Variants in KPNA1 observed in about 807,000 individuals in gnomAD.
The protein encoded by KPNA1 is importin subunit alpha-5.
A neutral mutation model predicts 70.5 loss-of-function variants in KPNA1; 10 were observed. That is an observed-to-expected ratio of 0.14 (90% CI 0.09 to 0.24). KPNA1 has a LOEUF of 0.24. Among genes scored for constraint, KPNA1 ranks in the 10% least tolerant of loss-of-function variants. The probability of loss-of-function intolerance (pLI) is 1.00; values close to 1 mark genes in which losing one functional copy is unlikely to be tolerated. For synonymous variants in KPNA1, 192 were observed against 221.9 expected (o/e 0.87, Z 1.20); for missense variants, 397 against 637.9 (o/e 0.62, Z 4.07).
intron 12 of KPNA1, among the ~76,000 whole-genome samples, chr3:122,431,993 G>A (rs1346610755): frequency 2.0e-5 from 3 of 152,022 alleles, no homozygotes; most frequent in Non-Finnish European, 2.9e-5. Context: ...TAGTAGACAC[G>A]GGGTTTCACC....
chr3:122,448,928 CAG>C (rs758453368), intron 9 of KPNA1, among the ~76,000 whole-genome samples: 16 of 152,282 alleles, frequency 1.1e-4, no homozygotes, highest in South Asian at 2.1e-4. Context: ...GCTATAATCC[CAG>C]AGTTTTCTAT....
intron 2 of KPNA1, among the ~76,000 whole-genome samples, chr3:122,488,852 A>G (rs1486899132): frequency 6.6e-6 from 1 of 152,194 alleles, no homozygotes; most frequent in Non-Finnish European, 1.5e-5. Flanking sequence ...GCCATGACGT[A>G]GTTTTCTTCA....
chr3:122,431,437 A>T lies in KPNA1; in HGVS notation c.1250+2224T>A, dbSNP rs7638172. The stretch of plus-strand genomic sequence containing the variant: ...CTCCCAAAGTGCTGGAATTACAGAC[A>T]TGAGCCACCACACCCGGCCAAGATA... On this transcript the variant is annotated intron_variant, in intron 12 of 13. Transcript: ENST00000344337. Among the ~76,000 whole-genome samples, 268 of 152,144 alleles carry T rather than the reference A, an allele frequency of 1.8e-3. 2 individuals carry two copies. The highest frequency in any genetic ancestry group is 5.9e-3 in the African/African-American group (246 of 41,494).
chr3:122,513,363 T>G lies in KPNA1; in HGVS notation c.-6+1394A>C, dbSNP rs538792624. Among the ~76,000 whole-genome samples the G allele has an allele frequency of 4.6e-5, 7 of 152,346 alleles. No homozygotes were observed. In the South Asian group the frequency reaches 1.4e-3, roughly 32 times the overall value. On this transcript the variant is annotated intron_variant, in intron 1 of 13. Coordinates refer to ENST00000344337, the MANE Select transcript of KPNA1 (RefSeq NM_002264.4). The stretch of plus-strand genomic sequence containing the variant: ...TACGTCTCATCTATCCATAAAACAG[T>G]GTCTTCCAAGAATATTTCAGTAAAA...
In KPNA1 at chr3:122,422,263, C is replaced by T. The variant is rs903609741; in HGVS notation, c.*4722G>A. ...AGTAATTCTTCAAAGCCTTTCCTTC[C>T]GTGTCAATACTTTCCACATTTGTGC... On this transcript the variant is annotated 3_prime_UTR_variant, in exon 14 of 14. Coordinates refer to ENST00000344337, the MANE Select transcript of KPNA1 (RefSeq NM_002264.4). 5 of 151,100 alleles carry T rather than the reference C, an allele frequency of 3.3e-5. No individual in the cohort carries two copies. Among genetic ancestry groups the T allele is most frequent in the South Asian group, 2.1e-4 (1 of 4,794 alleles). The allele number at this position is 151,100 out of a possible 1,614,324, so 9.4% of individuals were successfully genotyped here. A position where few individuals can be genotyped will look rare whatever the true frequency, so the allele number is the denominator to read the frequency against.
intron 12 of KPNA1, chr3:122,432,609 TG>T (rs1446522406): frequency 6.6e-6 from 1 of 152,228 alleles, no homozygotes; most frequent in Non-Finnish European, 1.5e-5. Flanking sequence ...TCCTTAATTT[TG>T]GATTCCCCAT....
At chr3:122,441,941 C>T (rs2076068893) in intron 10 of KPNA1, 97 bp downstream of exon 10, 11 of 949,744 alleles carry the variant, frequency 1.2e-5, no homozygotes, top group Middle Eastern at 2.2e-4. Context: ...ATCAAGTTTC[C>T]CTAATAATAT....
chr3:122,458,735 C>T (rs1215607772), intron 5 of KPNA1, among the ~76,000 whole-genome samples: 2 of 152,190 alleles, frequency 1.3e-5, no homozygotes, highest in African/African-American at 4.8e-5. Context: ...GAGTAACCTC[C>T]AAGCTTCCCA....
intron 2 of KPNA1, among the ~76,000 whole-genome samples, chr3:122,486,747 C>T (rs1218945882): frequency 1.3e-5 from 2 of 151,986 alleles, no homozygotes; most frequent in African/African-American, 4.8e-5. Flanking sequence ...CCACCACGCC[C>T]GGCTAATTTT....
At chr3:122,450,813 T>C (rs1375046819) in intron 8 of KPNA1, among the ~76,000 whole-genome samples, 7 of 152,218 alleles carry the variant, frequency 4.6e-5, no homozygotes, top group African/African-American at 1.4e-4. Context: ...CGCAGGTTTA[T>C]AGCAGCACAA....
At position 122,427,529 on chromosome 3, in the gene KPNA1, G is replaced by T; in HGVS notation, c.1429+9C>A. ...TTGGCCATAAACTTCTTCAACCAAA[G>T]CATCTTACCATAAGCTTCTTCAATC... On this transcript the variant is annotated intron_variant, in intron 13 of 13. Coordinates refer to ENST00000344337, the MANE Select transcript of KPNA1 (RefSeq NM_002264.4). The T allele has an allele frequency of 6.2e-7, 1 of 1,607,094 alleles. No individual in the cohort carries two copies. The highest frequency in any genetic ancestry group is 8.5e-7 in the Non-Finnish European group (1 of 1,176,672).
intron 10 of KPNA1, 64 bp from the exon 11 acceptor site, chr3:122,437,359 G>A: frequency 1.6e-6 from 2 of 1,217,656 alleles, no homozygotes; most frequent in Admixed American, 2.7e-5. Context: ...TTTAACTTAA[G>A]GAACACATTT....
chr3:122,512,295 T>C (rs1410508059), intron 1 of KPNA1, among the ~76,000 whole-genome samples: 1 of 152,066 alleles, frequency 6.6e-6, no homozygotes, highest in African/African-American at 2.4e-5. Context: ...ATACATAAAT[T>C]AGAAATTTCT....
At chr3:122,433,869 T>C in intron 11 of KPNA1, 81 bp from the exon 12 acceptor site, 1 of 1,102,468 alleles carries the variant, frequency 9.1e-7, no homozygotes. Flanking sequence ...ATTTCTAAGC[T>C]AGTTTGACTA....
chr3:122,505,260 A>C, intron 1 of KPNA1, among the ~76,000 whole-genome samples: 1 of 135,934 alleles, frequency 7.4e-6, no homozygotes, highest in Non-Finnish European at 1.5e-5. Context: ...CCAGGATTGT[A>C]CCACTGCATG....
chr3:122,427,328 G>T, intron 13 of KPNA1, 156 bp from the exon 14 acceptor site: 1 of 733,986 alleles, frequency 1.4e-6, no homozygotes, highest in Non-Finnish European at 2.2e-6. Context: ...TAATAGCACA[G>T]AAATGACTGC....
chr3:122,432,601 C>T (rs2107717538), intron 12 of KPNA1: 1 of 152,238 alleles, frequency 6.6e-6, no homozygotes, highest in South Asian at 2.1e-4. Context: ...ACCATCTTTC[C>T]TTAATTTTGG....
At chr3:122,476,747 A>C (rs12496410) in intron 2 of KPNA1, among the ~76,000 whole-genome samples, 19,622 of 151,600 alleles carry the variant, frequency 0.13, 1,430 homozygotes, top group East Asian at 0.21. Flanking sequence ...GACAATCATC[A>C]AACAGACAAA....
chr3:122,496,178 C>T (rs2076758293), intron 2 of KPNA1, among the ~76,000 whole-genome samples: 1 of 152,032 alleles, frequency 6.6e-6, no homozygotes. Flanking sequence ...ACACTAAACA[C>T]AAATAGGTGA....
Sources: allele counts gnomAD v4.1 joint callset (sites outside exome capture counted in the v4.1 genomes callset), GRCh38; gene constraint gnomAD v4.1.1; transcripts MANE v1.5; gene names NCBI Gene and HGNC (gene_info 2026-07-23, HGNC 2026-07-21).